Variants in PRSS23 observed in about 807,000 individuals in gnomAD.
The protein encoded by PRSS23 is serine protease 23, also known as protease, serine 23.
PRSS23 carries 25 observed loss-of-function variants against 34.7 expected under a neutral mutation model. The ratio of observed to expected loss-of-function variants is 0.72; its 90% CI spans 0.53 to 1.01. The LOEUF is 1.01. PRSS23 is among the 50% of genes least tolerant of loss of function. PRSS23 has a pLI of 0.00. For synonymous variants in PRSS23, 176 were observed against 186.6 expected, an observed-to-expected ratio of 0.94 and a Z score of 0.46; for missense variants, 445 against 475.6, an observed-to-expected ratio of 0.94 and a Z score of 0.60.
intron 2 of PRSS23, among the ~76,000 whole-genome samples, chr11:86,836,167 T>C (rs960251697): frequency 8.5e-5 from 13 of 152,138 alleles, no homozygotes; most frequent in Non-Finnish European, 1.6e-4. Context: ...GACAAGGGCC[T>C]CATTGATAAT....
chr11:86,928,599 C>T (rs7925900), intron 2 of PRSS23, among the ~76,000 whole-genome samples: 7,403 of 141,556 alleles, frequency 0.052, 320 homozygotes, highest in African/African-American at 0.12. Flanking sequence ...GGCTTGAACC[C>T]AGAAGACGGA....
intron 2 of PRSS23, among the ~76,000 whole-genome samples, chr11:86,827,241 A>G (rs1948309605): frequency 6.6e-6 from 1 of 152,110 alleles, no homozygotes; most frequent in African/African-American, 2.4e-5. Context: ...TGCATCGAGG[A>G]ATTTATCCAT....
At chr11:86,831,829 T>C (rs1032965464) in intron 2 of PRSS23, among the ~76,000 whole-genome samples, 4 of 152,036 alleles carry the variant, frequency 2.6e-5, no homozygotes, top group Non-Finnish European at 4.4e-5. Flanking sequence ...CACCCTGTCA[T>C]ATTATTTGTA....
At chr11:86,950,994 G>C in intron 2 of PRSS23, 2 of 830,586 alleles carry the variant, frequency 2.4e-6, no homozygotes, top group Non-Finnish European at 4.1e-6. Flanking sequence ...CTGGGGTCGG[G>C]GTGGGAGGCA....
intron 2 of PRSS23, among the ~76,000 whole-genome samples, chr11:86,893,864 A>C (rs1467487218): frequency 6.6e-6 from 1 of 152,238 alleles, no homozygotes; most frequent in East Asian, 1.9e-4. Flanking sequence ...GAGAATTTAA[A>C]GTACCCCACT....
chr11:86,905,226 C>T (rs558649117), intron 2 of PRSS23, among the ~76,000 whole-genome samples: 1 of 152,282 alleles, frequency 6.6e-6, no homozygotes, highest in East Asian at 1.9e-4. Flanking sequence ...CTCTTTGTAC[C>T]TCTAATATTC....
chr11:86,902,410 C>G (rs1948917553), intron 2 of PRSS23, among the ~76,000 whole-genome samples: 1 of 152,180 alleles, frequency 6.6e-6, no homozygotes, highest in Non-Finnish European at 1.5e-5. Context: ...CAGCTTATCT[C>G]ATTCTTATCT....
intron 2 of PRSS23, among the ~76,000 whole-genome samples, chr11:86,898,067 C>T (rs539811246): frequency 2.6e-5 from 4 of 152,148 alleles, no homozygotes; most frequent in Non-Finnish European, 5.9e-5. Context: ...GTTTTAACAC[C>T]AAATCTCTGA....
intron 2 of PRSS23, among the ~76,000 whole-genome samples, chr11:86,889,568 T>C (rs930894652): frequency 2.0e-5 from 3 of 152,178 alleles, no homozygotes; most frequent in African/African-American, 4.8e-5. Flanking sequence ...CAAGTCTTTT[T>C]ATAAGGGTGA....
rs71274421 is a variant in PRSS23, at chr11:86,834,553, TTTTCCTTTCCTTTCCTTTCC to T, written c.206+11002_206+11021del. ...TTCCTTTCCTTTCCTTTCCTTTCCT[TTTTCCTTTCCTTTCCTTTCC>T]TTTCCTTTCCTTTCCTTTCCTTTCC... On this transcript the variant is annotated intron_variant, in intron 2 of 2. Transcript: ENST00000533902. Among the ~76,000 whole-genome samples the T allele has an allele frequency of 6.1e-3, 492 of 80,900 alleles. 1 individual carries two copies. The highest frequency in any genetic ancestry group is 0.024 in the African/African-American group (445 of 18,914). 53.1% of individuals were successfully genotyped at this position (80,900 alleles called of 152,430 possible).
intron 2 of PRSS23, among the ~76,000 whole-genome samples, chr11:86,902,621 C>G (rs918768471): frequency 1.3e-5 from 2 of 152,138 alleles, no homozygotes; most frequent in African/African-American, 4.8e-5. Flanking sequence ...ATGTGGATAA[C>G]TGAGGAGAAA....
chr11:86,816,887 C>T (rs954567019), intron 1 of PRSS23, among the ~76,000 whole-genome samples: 1 of 152,134 alleles, frequency 6.6e-6, no homozygotes, highest in African/African-American at 2.4e-5. Flanking sequence ...GTTTAGTGTC[C>T]CAAATTCTCT....
chr11:86,909,168 T>C (rs1948962116), intron 2 of PRSS23: 1 of 152,170 alleles, frequency 6.6e-6, no homozygotes, highest in Non-Finnish European at 1.5e-5. Context: ...CTGCCTGGCC[T>C]TGTGTTTCTG....
intron 2 of PRSS23, among the ~76,000 whole-genome samples, chr11:86,923,347 G>A (rs529593570): frequency 3.9e-5 from 6 of 152,082 alleles, no homozygotes; most frequent in Middle Eastern, 3.4e-3. Flanking sequence ...GGGTGGTCTC[G>A]AACTCAAGTG....
chr11:86,793,516 A>G (rs1473291263), intron 1 of PRSS23, among the ~76,000 whole-genome samples: 1 of 152,216 alleles, frequency 6.6e-6, no homozygotes, highest in African/African-American at 2.4e-5. Context: ...AAATGTAATT[A>G]GCAGGCCAAG....
At chr11:86,939,922 G>A (rs1392388227) in intron 2 of PRSS23, among the ~76,000 whole-genome samples, 1 of 152,082 alleles carries the variant, frequency 6.6e-6, no homozygotes, top group African/African-American at 2.4e-5. Context: ...CTGTAGATCT[G>A]GTTAGGCAAT....
At chr11:86,904,954 G>T (rs1948932874) in intron 2 of PRSS23, among the ~76,000 whole-genome samples, 2 of 152,190 alleles carry the variant, frequency 1.3e-5, no homozygotes, top group African/African-American at 4.8e-5. Flanking sequence ...TACTTGGGAG[G>T]CTGAGATGGG....
intron 2 of PRSS23, among the ~76,000 whole-genome samples, chr11:86,939,393 T>TAAAAAAAAAAA (rs778076028): frequency 9.5e-5 from 8 of 83,918 alleles, no homozygotes; most frequent in African/African-American, 2.5e-4. Context: ...ATTTCTCAGT[T>TAAAAAAAAAAA]AAAAAAAAAA....
At chr11:86,797,916 C>A (rs974956590), upstream of PRSS23, among the ~76,000 whole-genome samples, 1 of 152,204 alleles carries the variant, frequency 6.6e-6, no homozygotes, top group African/African-American at 2.4e-5. Flanking sequence ...AAGCGTCAGA[C>A]CTTGGATTGG....
Sources: gnomAD v4.1 joint callset for allele counts (sites outside exome capture counted in the v4.1 genomes callset) on GRCh38, gnomAD v4.1.1 for gene constraint, MANE v1.5 for transcripts, NCBI Gene and HGNC (gene_info 2026-07-23, HGNC 2026-07-21) for gene names.